The following STAU1 variants were observed in gnomAD, a reference collection of about 807,000 sequenced individuals.
The protein encoded by STAU1 is double-stranded RNA-binding protein Staufen homolog 1.
In STAU1, 13 loss-of-function variants were observed where a neutral mutation model predicts 62.9. The ratio of observed to expected loss-of-function variants is 0.21; its 90% CI spans 0.13 to 0.33. The LOEUF (loss-of-function observed/expected upper bound fraction) is 0.33. STAU1 is among the 10% of genes least tolerant of loss of function. The pLI is 1.00. For synonymous variants in STAU1, 269 were observed against 265.1 expected, an observed-to-expected ratio of 1.01 and a Z score of -0.14; for missense variants, 571 against 712.1, an observed-to-expected ratio of 0.80 and a Z score of 2.25.
upstream of STAU1, among the ~76,000 whole-genome samples, chr20:49,191,152 C>G (rs900197735): frequency 6.6e-6 from 1 of 151,946 alleles, no homozygotes; most frequent in Admixed American, 6.6e-5. Flanking sequence ...CTCAGCCTCC[C>G]GAGTAGCTGA....
the STAU1 span, among the ~76,000 whole-genome samples, chr20:49,216,257 G>T: frequency 6.6e-6 from 1 of 152,030 alleles, no homozygotes; most frequent in African/African-American, 2.4e-5. Context: ...TGGGTGCGGT[G>T]GCTCACACCT....
chr20:49,175,142 G>A (rs948943048), intron 1 of STAU1, among the ~76,000 whole-genome samples: 2 of 151,340 alleles, frequency 1.3e-5, no homozygotes, highest in East Asian at 2.0e-4. Context: ...GCAAAAGAGC[G>A]AGACTCCGTC....
At chr20:49,143,383 G>A (rs560945698) in intron 5 of STAU1, among the ~76,000 whole-genome samples, 28 of 152,200 alleles carry the variant, frequency 1.8e-4, no homozygotes, top group African/African-American at 6.5e-4. Flanking sequence ...CTTGAGCCCA[G>A]GAGTTCAAAA....
At chr20:49,128,529 G>T (rs1389158068) in intron 6 of STAU1, among the ~76,000 whole-genome samples, 2 of 152,028 alleles carry the variant, frequency 1.3e-5, no homozygotes, top group Non-Finnish European at 2.9e-5. Flanking sequence ...TTTCCACTGG[G>T]GCTAAAGCTA....
At chr20:49,154,808 G>C (rs965439855) in intron 3 of STAU1, among the ~76,000 whole-genome samples, 1 of 152,170 alleles carries the variant, frequency 6.6e-6, no homozygotes, top group African/African-American at 2.4e-5. Context: ...GGACCTTGCA[G>C]TGAGGGTGGC....
the STAU1 span, among the ~76,000 whole-genome samples, chr20:49,205,016 T>TA: frequency 6.6e-6 from 1 of 151,984 alleles, no homozygotes; most frequent in East Asian, 1.9e-4. Flanking sequence ...ACAGAAATAT[T>TA]ATGGGCTCAA....
intron 6 of STAU1, among the ~76,000 whole-genome samples, chr20:49,126,201 C>T (rs951718254): frequency 1.3e-5 from 2 of 151,350 alleles, no homozygotes; most frequent in African/African-American, 2.4e-5. Context: ...AAAAAAGTCA[C>T]ACTTAATCAA....
At chr20:49,202,595 A>G in the STAU1 span, among the ~76,000 whole-genome samples, 1 of 151,860 alleles carries the variant, frequency 6.6e-6, no homozygotes, top group Non-Finnish European at 1.5e-5. Context: ...ATAAATAAAT[A>G]AAATAGGCTG....
intron 13 of STAU1, 130 bp from the exon 14 acceptor site, chr20:49,115,023 A>T (rs1301831986): frequency 1.1e-6 from 1 of 926,150 alleles, no homozygotes; most frequent in Non-Finnish European, 1.7e-6. Flanking sequence ...TGATAACAAA[A>T]GTTTTCCCAG....
chr20:49,205,290 C>T, the STAU1 span, among the ~76,000 whole-genome samples: 2 of 151,852 alleles, frequency 1.3e-5, no homozygotes, highest in East Asian at 3.9e-4. Context: ...AGTTACTTCT[C>T]ATTACGCACA....
intron 5 of STAU1, 41 bp downstream of exon 5, chr20:49,151,541 A>G (rs554200030): frequency 2.0e-6 from 3 of 1,538,186 alleles, no homozygotes; most frequent in East Asian, 2.4e-5. Context: ...CTACCCTCCT[A>G]CCCTGTCGAA....
chr20:49,127,896 TC>T (rs2092666259), intron 6 of STAU1, among the ~76,000 whole-genome samples: 1 of 151,710 alleles, frequency 6.6e-6, no homozygotes, highest in South Asian at 2.1e-4. Flanking sequence ...ACGCCTGTAA[TC>T]CCAGCACTTT....
upstream of STAU1, among the ~76,000 whole-genome samples, chr20:49,189,778 T>G (rs2093827446): frequency 6.6e-6 from 1 of 152,130 alleles, no homozygotes; most frequent in African/African-American, 2.4e-5. Flanking sequence ...CGCCCCACTA[T>G]TTAAAAATAA....
At chr20:49,151,457 G>A in intron 5 of STAU1, 125 bp downstream of exon 5, 1 of 955,522 alleles carries the variant, frequency 1.0e-6, no homozygotes, top group Admixed American at 3.7e-5. Flanking sequence ...AATCTTGGAG[G>A]CATTCAAATA....
At chr20:49,149,037 G>A (rs2093185504) in intron 5 of STAU1, among the ~76,000 whole-genome samples, 1 of 152,100 alleles carries the variant, frequency 6.6e-6, no homozygotes, top group Non-Finnish European at 1.5e-5. Context: ...GATCACCTGA[G>A]CTCAGGAGCT....
chr20:49,183,620 G>C (rs1466050169), intron 1 of STAU1, among the ~76,000 whole-genome samples: 1 of 152,230 alleles, frequency 6.6e-6, no homozygotes, highest in African/African-American at 2.4e-5. Flanking sequence ...TGGTATTGGG[G>C]AGAGAGACTG....
the STAU1 span, among the ~76,000 whole-genome samples, chr20:49,217,815 C>T: frequency 0.31 from 46,536 of 149,354 alleles, 8,053 homozygotes; most frequent in African/African-American, 0.45. Context: ...CCACTACACT[C>T]TCACCTGGGC....
In STAU1 at chr20:49,114,504, T is replaced by A. The variant is rs1322258393; in HGVS notation, c.*374A>T. On this transcript the variant is annotated 3_prime_UTR_variant, in exon 14 of 14. Transcript: ENST00000371856. ...TCCCAATGTGTCTGAGTGAGCCAGC[T>A]TGAGAAGGGGTCGTGCCGTTTCTTC... 2.7e-5 allele frequency: 6 copies of A among 222,294 alleles called. No homozygotes were observed. Among genetic ancestry groups the A allele is most frequent in the Admixed American group, 2.1e-4 (4 of 19,028 alleles). 13.8% of individuals were successfully genotyped at this position (222,294 alleles called of 1,614,324 possible).
At chr20:49,128,913 T>C (rs1300054490) in intron 6 of STAU1, among the ~76,000 whole-genome samples, 2 of 152,080 alleles carry the variant, frequency 1.3e-5, no homozygotes, top group Non-Finnish European at 2.9e-5. Flanking sequence ...TAGCCAAATG[T>C]ATCTCAGCAT....
Sources: allele counts gnomAD v4.1 joint callset (sites outside exome capture counted in the v4.1 genomes callset), GRCh38; gene constraint gnomAD v4.1.1; transcripts MANE v1.5; gene names NCBI Gene and HGNC (gene_info 2026-07-23, HGNC 2026-07-21).